Variants in FEZ2 observed in about 807,000 individuals in gnomAD.
FEZ2 encodes the protein fasciculation and elongation protein zeta-2.
A neutral mutation model predicts 40.4 loss-of-function variants in FEZ2; 51 were observed. That is an observed-to-expected ratio of 1.26 (90% CI 1.01 to 1.59). The LOEUF is 1.59. Among genes scored for constraint, FEZ2 ranks in the 40% most tolerant of loss-of-function variants. FEZ2 has a pLI of 0.00. For missense variants in FEZ2, 640 were observed against 438.3 expected (o/e 1.46, Z -4.11); for synonymous variants, 242 against 172.0 (o/e 1.41, Z -3.18).
At position 36,552,410 on chromosome 2, in the gene FEZ2, A is replaced by G; in HGVS notation, c.*753T>C. On this transcript the variant is annotated 3_prime_UTR_variant, in exon 8 of 8. Coordinates refer to ENST00000405912, the MANE Select transcript of FEZ2 (RefSeq NM_005102.3). ...GAATAAAATAGGACACAGTAATGAG[A>G]ATGGGCAGTTCTGCAGTGTACACTT... 2.7e-6 allele frequency: 1 copy of G among 364,892 alleles called. No individual in the cohort carries two copies. Among genetic ancestry groups the G allele is most frequent in the South Asian group, 2.1e-5 (1 of 46,890 alleles). The allele number at this position is 364,892 out of a possible 1,614,324, so 22.6% of individuals were successfully genotyped here. A position where few individuals can be genotyped will look rare whatever the true frequency, so the allele number is the denominator to read the frequency against.
intron 1 of FEZ2, among the ~76,000 whole-genome samples, chr2:36,595,098 C>G (rs1164102745): frequency 6.6e-6 from 1 of 152,150 alleles, no homozygotes; most frequent in Non-Finnish European, 1.5e-5. Context: ...GCAGAATACT[C>G]TTATAAGTAA....
intron 5 of FEZ2, among the ~76,000 whole-genome samples, chr2:36,576,571 G>T (rs529191953): frequency 5.3e-4 from 80 of 152,222 alleles, no homozygotes; most frequent in African/African-American, 1.9e-3. Context: ...GCGCCCGGCC[G>T]CATTTTAGGC....
intron 1 of FEZ2, among the ~76,000 whole-genome samples, chr2:36,596,974 T>C (rs897605091): frequency 1.3e-5 from 2 of 152,098 alleles, no homozygotes; most frequent in Admixed American, 1.3e-4. Context: ...GCGCCTCACC[T>C]CTCCCAGCTG....
intron 1 of FEZ2, 46 bp from the exon 2 acceptor site, chr2:36,591,057 T>C (rs757285207): frequency 3.4e-6 from 4 of 1,169,554 alleles, no homozygotes; most frequent in Admixed American, 1.8e-5. Flanking sequence ...ACATTCTGTA[T>C]GTCTTTCTTA....
intron 2 of FEZ2, chr2:36,583,943 A>G (rs1668830333): frequency 6.5e-6 from 1 of 153,008 alleles, no homozygotes; most frequent in Admixed American, 6.5e-5. Context: ...AGCCCTTCCA[A>G]TTGCACATTC....
intron 5 of FEZ2, among the ~76,000 whole-genome samples, chr2:36,570,272 C>G (rs961033450): frequency 3.3e-5 from 5 of 151,788 alleles, no homozygotes; most frequent in African/African-American, 1.2e-4. Flanking sequence ...TATACCAAAG[C>G]AGATACACAC....
At chr2:36,581,773 G>T (rs1381492330) in intron 3 of FEZ2, among the ~76,000 whole-genome samples, 1 of 152,108 alleles carries the variant, frequency 6.6e-6, no homozygotes, top group Non-Finnish European at 1.5e-5. Flanking sequence ...AGATCATACA[G>T]TAATCGTTAG....
At chr2:36,567,817 G>A (rs2125226289) in intron 5 of FEZ2, among the ~76,000 whole-genome samples, 1 of 151,912 alleles carries the variant, frequency 6.6e-6, no homozygotes, top group Admixed American at 6.6e-5. Context: ...AGAGTAGCAA[G>A]TAGGAGATCA....
intron 5 of FEZ2, among the ~76,000 whole-genome samples, chr2:36,559,769 C>T (rs1457944886): frequency 2.0e-5 from 3 of 152,216 alleles, no homozygotes; most frequent in African/African-American, 7.2e-5. Flanking sequence ...CATCTTCAGG[C>T]CTCCCTGCTC....
Position 36,598,106 on chromosome 2 carries a change from A to G in FEZ2, c.37T>C (p.Phe13Leu). ...ADGDWQDFYE[F>L]QEPARSLLDQ... ...AGGAGGCTCCGGGCCGGCTCCTGGAACTCATAGAAATCCTGCCAGTCCCCG... is the reference window on the plus strand; with the variant it reads ...AGGAGGCTCCGGGCCGGCTCCTGGAGCTCATAGAAATCCTGCCAGTCCCCG... The change falls in exon 1 of 8, where the codon TTC (phenylalanine) becomes CTC (leucine). Residue 13 changes from phenylalanine (F) to leucine (L), a missense_variant. By Grantham distance (22) the Phe-to-Leu change is conservative. Transcript: ENST00000405912. 1.3e-6 allele frequency: 2 copies of G among 1,490,574 alleles called. No individual in the cohort carries two copies. The highest frequency in any genetic ancestry group is 2.5e-5 in the South Asian group (2 of 80,350). 92.3% of individuals were successfully genotyped at this position (1,490,574 alleles called of 1,614,324 possible).
At chr2:36,573,579 C>T (rs977608885) in intron 5 of FEZ2, among the ~76,000 whole-genome samples, 5 of 152,150 alleles carry the variant, frequency 3.3e-5, no homozygotes, top group Admixed American at 1.3e-4. Context: ...AAGTGATGTG[C>T]GAAGAACAAG....
intron 7 of FEZ2, among the ~76,000 whole-genome samples, chr2:36,553,840 T>C (rs1159646499): frequency 1.3e-5 from 2 of 152,166 alleles, no homozygotes; most frequent in Non-Finnish European, 2.9e-5. Context: ...AGGAGTATTC[T>C]CCCCTTGAGC....
At chr2:36,566,940 G>T (rs1406357347) in intron 5 of FEZ2, among the ~76,000 whole-genome samples, 1 of 140,312 alleles carries the variant, frequency 7.1e-6, no homozygotes, top group Non-Finnish European at 1.6e-5. Context: ...ACACACATAC[G>T]CATAGACACA....
At chr2:36,568,097 G>C (rs1444708200) in intron 5 of FEZ2, among the ~76,000 whole-genome samples, 1 of 152,066 alleles carries the variant, frequency 6.6e-6, no homozygotes, top group African/African-American at 2.4e-5. Flanking sequence ...GGTGCTTATG[G>C]TGCTTAACTG....
chr2:36,578,341 C>T (rs1340569552), intron 5 of FEZ2, among the ~76,000 whole-genome samples: 4 of 151,976 alleles, frequency 2.6e-5, no homozygotes, highest in African/African-American at 9.7e-5. Context: ...CTTTTTTGCC[C>T]CCTCTTCCTT....
At chr2:36,567,808 G>T (rs1318947417) in intron 5 of FEZ2, among the ~76,000 whole-genome samples, 1 of 151,492 alleles carries the variant, frequency 6.6e-6, no homozygotes, top group East Asian at 1.9e-4. Flanking sequence ...GATAATCAAA[G>T]AGTAGCAAGT....
At chr2:36,553,795 T>C (rs942671828) in intron 7 of FEZ2, among the ~76,000 whole-genome samples, 2 of 152,158 alleles carry the variant, frequency 1.3e-5, no homozygotes, top group Admixed American at 6.5e-5. Flanking sequence ...CTCTCATCTG[T>C]GTTAAAACAA....
At chr2:36,575,032 T>C (rs1215641373) in intron 5 of FEZ2, among the ~76,000 whole-genome samples, 1 of 152,194 alleles carries the variant, frequency 6.6e-6, no homozygotes, top group East Asian at 1.9e-4. Flanking sequence ...CATCACCATC[T>C]ACCACCTCAC....
intron 2 of FEZ2, among the ~76,000 whole-genome samples, chr2:36,588,397 T>C (rs947518621): frequency 6.6e-6 from 1 of 152,130 alleles, no homozygotes; most frequent in Non-Finnish European, 1.5e-5. Context: ...CTTGGCCATA[T>C]CATTACCGTG....
Sources: allele counts gnomAD v4.1 joint callset (sites outside exome capture counted in the v4.1 genomes callset), GRCh38; gene constraint gnomAD v4.1.1; transcripts MANE v1.5; gene names NCBI Gene and HGNC (gene_info 2026-07-23, HGNC 2026-07-21).